SORCS2: variants seen among roughly 807,000 people sequenced by gnomAD.
SORCS2 encodes sortilin related VPS10 domain containing receptor 2, also known as VPS10 domain-containing receptor SorCS2.
A neutral mutation model predicts 141.6 loss-of-function variants in SORCS2; 100 were observed. The ratio of observed to expected loss-of-function variants is 0.71; its 90% CI spans 0.60 to 0.83. The LOEUF (loss-of-function observed/expected upper bound fraction) is 0.83, where lower values mean the gene tolerates loss of function less well. Ranked by LOEUF, SORCS2 falls within the 40% of genes least tolerant of loss-of-function variation. SORCS2 has a pLI of 0.00. For missense variants in SORCS2, 1,646 were observed against 1,560.2 expected (o/e 1.05, Z -0.93); for synonymous variants, 789 against 676.9 (o/e 1.17, Z -2.57).
chr4:7,667,252 C>A, intron 8 of SORCS2, 39 bp downstream of exon 8: 1 of 1,582,082 alleles, frequency 6.3e-7, no homozygotes, highest in Non-Finnish European at 8.7e-7. Context: ...TGTGGCCAGA[C>A]CCTAAGCTTA....
At chr4:7,427,174 C>G (rs1049675255) in intron 2 of SORCS2, among the ~76,000 whole-genome samples, 5 of 152,052 alleles carry the variant, frequency 3.3e-5, no homozygotes, top group Admixed American at 2.0e-4. Context: ...GGCAGCATAT[C>G]CATTGTGGGC....
chr4:7,256,847 A>G (rs1713915465), intron 1 of SORCS2, among the ~76,000 whole-genome samples: 1 of 151,882 alleles, frequency 6.6e-6, no homozygotes, highest in African/African-American at 2.4e-5. Context: ...GGTCTGGCAG[A>G]GCCGGATAGG....
chr4:7,640,429 TGTGA>T lies in SORCS2; in HGVS notation c.813+1940_813+1943del, dbSNP rs769893830. Among the ~76,000 whole-genome samples, 93 of 135,544 alleles carry T rather than the reference TGTGA, an allele frequency of 6.9e-4. 1 individual carries two copies. Among genetic ancestry groups the T allele is most frequent in the South Asian group, 3.0e-3 (13 of 4,276 alleles). The allele number at this position is 135,544 out of a possible 152,430, so 88.9% of individuals were successfully genotyped here. A position where few individuals can be genotyped will look rare whatever the true frequency, so the allele number is the denominator to read the frequency against. On this transcript the variant is annotated intron_variant, in intron 4 of 26. Coordinates refer to ENST00000507866, the MANE Select transcript of SORCS2 (RefSeq NM_020777.3). Reference sequence around the variant, plus strand: ...GTGGGTGAGTGTGTGTGATCGTGTGTGTGAGTCTACATGAGTGTGTGGGTGTGTA... The same window carrying T: ...GTGGGTGAGTGTGTGTGATCGTGTGTGTCTACATGAGTGTGTGGGTGTGTA...
intron 2 of SORCS2, among the ~76,000 whole-genome samples, chr4:7,511,863 G>C (rs1050217444): frequency 1.3e-5 from 2 of 152,118 alleles, no homozygotes; most frequent in African/African-American, 4.8e-5. Flanking sequence ...CTGTCTTCAG[G>C]GGGGAAATGT....
intron 2 of SORCS2, among the ~76,000 whole-genome samples, chr4:7,460,948 G>A (rs1358122717): frequency 6.7e-6 from 1 of 148,622 alleles, no homozygotes; most frequent in Non-Finnish European, 1.5e-5. Context: ...GGTTTCCATC[G>A]AGGATTTCAT....
At chr4:7,394,805 G>A (rs937325594) in intron 1 of SORCS2, among the ~76,000 whole-genome samples, 1 of 152,224 alleles carries the variant, frequency 6.6e-6, no homozygotes, top group South Asian at 2.1e-4. Flanking sequence ...CACCCCCCGA[G>A]GCCAGGGCAG....
At chr4:7,252,712 G>A (rs904973151) in intron 1 of SORCS2, among the ~76,000 whole-genome samples, 5 of 152,086 alleles carry the variant, frequency 3.3e-5, no homozygotes, top group African/African-American at 9.7e-5. Flanking sequence ...GCATTGTGCC[G>A]GTCTGACAGG....
At chr4:7,343,057 C>G (rs1038566564) in intron 1 of SORCS2, among the ~76,000 whole-genome samples, 2 of 152,178 alleles carry the variant, frequency 1.3e-5, no homozygotes, top group Non-Finnish European at 2.9e-5. Flanking sequence ...TGACGTAGTC[C>G]CCGACCCTGT....
rs1036946718 is a variant in SORCS2 at position 7,583,356 on chromosome 4, C to T, written c.648+51727C>T. ...AGGATCATGTATTCCAACCCCCCTA[C>T]ACTCCTGCTAGAAAAAAACCCTGGA... On this transcript the variant is annotated intron_variant, in intron 3 of 26. Transcript: ENST00000507866. Among the ~76,000 whole-genome samples, 9 of 152,296 alleles carry T rather than the reference C, an allele frequency of 5.9e-5. No individual in the cohort carries two copies. The East Asian group carries it at 9.6e-4, about 16-fold the overall frequency.
chr4:7,618,818 T>C (rs1189448501), intron 3 of SORCS2, among the ~76,000 whole-genome samples: 1 of 142,168 alleles, frequency 7.0e-6, no homozygotes, highest in East Asian at 2.2e-4. Context: ...TTTTACTTAT[T>C]GTCTGAGCCA....
chr4:7,658,033 CTGAG>C (rs1017660003), intron 5 of SORCS2, among the ~76,000 whole-genome samples: 7 of 149,754 alleles, frequency 4.7e-5, no homozygotes, highest in African/African-American at 1.7e-4. Context: ...GAGTCTGTGA[CTGAG>C]TGAGTGAATG....
At chr4:7,329,211 G>A (rs1257073030) in intron 1 of SORCS2, among the ~76,000 whole-genome samples, 2 of 152,318 alleles carry the variant, frequency 1.3e-5, no homozygotes, top group East Asian at 3.9e-4. Context: ...GGCCCACAGA[G>A]CCCTGGCTTA....
At chr4:7,374,180 TTTCTTTC>T (rs911345455) in intron 1 of SORCS2, among the ~76,000 whole-genome samples, 1 of 135,308 alleles carries the variant, frequency 7.4e-6, no homozygotes, top group African/African-American at 2.9e-5. Context: ...TCTTTCTTTC[TTTCTTTC>T]TTTCTTTCTT....
At chr4:7,326,848 C>T (rs1359193655) in intron 1 of SORCS2, among the ~76,000 whole-genome samples, 2 of 152,236 alleles carry the variant, frequency 1.3e-5, no homozygotes, top group Non-Finnish European at 2.9e-5. Flanking sequence ...CAGGGCAGCT[C>T]CAGGGCTGGG....
intron 1 of SORCS2, among the ~76,000 whole-genome samples, chr4:7,255,302 C>T (rs1038599014): frequency 2.0e-5 from 3 of 152,012 alleles, no homozygotes; most frequent in African/African-American, 2.4e-5. Context: ...CTGGAGGAGG[C>T]GGCTTTCATC....
At chr4:7,350,755 C>T (rs914495800) in intron 1 of SORCS2, among the ~76,000 whole-genome samples, 7 of 152,240 alleles carry the variant, frequency 4.6e-5, no homozygotes, top group Non-Finnish European at 1.0e-4. Context: ...GTTGGTCACA[C>T]TGCTTTTTTC....
intron 2 of SORCS2, among the ~76,000 whole-genome samples, chr4:7,528,814 C>T (rs1006406452): frequency 2.0e-5 from 3 of 152,104 alleles, no homozygotes; most frequent in Admixed American, 6.6e-5. Flanking sequence ...AACTCTCTCT[C>T]GGGGTCCTGG....
chr4:7,719,685 C>T (rs1726446160), intron 18 of SORCS2, among the ~76,000 whole-genome samples: 1 of 152,204 alleles, frequency 6.6e-6, no homozygotes, highest in African/African-American at 2.4e-5. Flanking sequence ...CGCTTGGACC[C>T]TCAGAGTAGA....
At chr4:7,390,921 G>T (rs1723817128) in intron 1 of SORCS2, among the ~76,000 whole-genome samples, 1 of 152,176 alleles carries the variant, frequency 6.6e-6, no homozygotes, top group Non-Finnish European at 1.5e-5. Context: ...ATTGACAGGT[G>T]GAGAAACCGC....
Sources: gnomAD v4.1 joint callset for allele counts (sites outside exome capture counted in the v4.1 genomes callset) on GRCh38, gnomAD v4.1.1 for gene constraint, MANE v1.5 for transcripts, NCBI Gene and HGNC (gene_info 2026-07-23, HGNC 2026-07-21) for gene names.